GRID1: variants seen among roughly 807,000 people sequenced by gnomAD.
The protein encoded by GRID1 is glutamate receptor ionotropic, delta-1.
GRID1 carries 28 observed loss-of-function variants against 98.0 expected under a neutral mutation model. The ratio of observed to expected loss-of-function variants is 0.29; its 90% CI spans 0.21 to 0.39. The LOEUF is 0.39. Among genes scored for constraint, GRID1 ranks in the 10% least tolerant of loss-of-function variants. The probability of loss-of-function intolerance (pLI) is 1.00; values close to 1 mark genes in which losing one functional copy is unlikely to be tolerated. For missense variants in GRID1, 1,111 were observed against 1,340.5 expected, an observed-to-expected ratio of 0.83 and a Z score of 2.67; for synonymous variants, 553 against 538.5, an observed-to-expected ratio of 1.03 and a Z score of -0.37.
intron 2 of GRID1, among the ~76,000 whole-genome samples, chr10:86,321,120 G>GA (rs1287125996): frequency 4.9e-4 from 34 of 68,738 alleles, no homozygotes; most frequent in South Asian, 1.2e-3. Context: ...AAGAAAAAAA[G>GA]CAAAAAAAAA....
intron 8 of GRID1, among the ~76,000 whole-genome samples, chr10:85,823,438 T>C (rs1842791365): frequency 6.6e-6 from 1 of 151,500 alleles, no homozygotes; most frequent in Non-Finnish European, 1.5e-5. Context: ...TAAACAAAAA[T>C]AAACAGAAAA....
Position 85,675,995 on chromosome 10 carries a change from T to C in GRID1, c.1998-28598A>G, listed in dbSNP as rs542675273. Among the ~76,000 whole-genome samples, 7 of 152,290 alleles carry C rather than the reference T, an allele frequency of 4.6e-5. No homozygotes were observed. In the East Asian group the frequency reaches 1.4e-3, roughly 29 times the overall value. On this transcript the variant is annotated intron_variant, in intron 12 of 15. Transcript: ENST00000327946. ...AAGGCCTTTGGCAAATTCTGCCTCCTGTCCTGCCTGTGTGACCAAGTGGTT... is the reference window on the plus strand; with the variant it reads ...AAGGCCTTTGGCAAATTCTGCCTCCCGTCCTGCCTGTGTGACCAAGTGGTT...
chr10:85,771,959 G>A (rs1842273597), intron 8 of GRID1, among the ~76,000 whole-genome samples: 1 of 152,138 alleles, frequency 6.6e-6, no homozygotes, highest in Admixed American at 6.5e-5. Context: ...ACTTAGCTCT[G>A]CACCAAGTGG....
At chr10:85,775,192 T>C (rs1347535381) in intron 8 of GRID1, among the ~76,000 whole-genome samples, 14 of 151,994 alleles carry the variant, frequency 9.2e-5, no homozygotes, top group Non-Finnish European at 1.0e-4. Context: ...TGGATGAAAG[T>C]GGAAATCATC....
At position 86,055,178 on chromosome 10, in the gene GRID1, G is replaced by A. The variant is rs543822074; in HGVS notation, c.726+83641C>T. On this transcript the variant is annotated intron_variant, in intron 4 of 15. Transcript: ENST00000327946. ...CTACCCAGCTGACGTGTAGTATCAC[G>A]AGAAATAAAACGTGGTTGTTGCCTA... 6.6e-5 allele frequency among the ~76,000 whole-genome samples: 10 copies of A among 152,194 alleles called. No individual in the cohort carries two copies. In the South Asian group the frequency reaches 1.0e-3, roughly 16 times the overall value.
At chr10:86,357,285 G>A (rs185442893) in intron 2 of GRID1, among the ~76,000 whole-genome samples, 2 of 152,340 alleles carry the variant, frequency 1.3e-5, no homozygotes, top group Admixed American at 6.5e-5. Flanking sequence ...GCCTTCCTGG[G>A]CCCAATGCCT....
chr10:86,107,858 A>C (rs1314017290), intron 4 of GRID1, among the ~76,000 whole-genome samples: 1 of 151,402 alleles, frequency 6.6e-6, no homozygotes, highest in Non-Finnish European at 1.5e-5. Context: ...AAACAACCCA[A>C]CTCCAGGGGA....
At chr10:85,895,014 AAAATAT>A (rs1191809224) in intron 5 of GRID1, among the ~76,000 whole-genome samples, 10 of 108,662 alleles carry the variant, frequency 9.2e-5, no homozygotes, top group African/African-American at 1.7e-4. Flanking sequence ...AAAAAAAAAA[AAAATAT>A]ATATATATAT....
Position 85,909,401 on chromosome 10 carries a change from G to GC in GRID1, c.780+6784dup. Among the ~76,000 whole-genome samples, 3 of 152,254 alleles carry GC rather than the reference G, an allele frequency of 2.0e-5. No homozygotes were observed. The Middle Eastern group carries it at 0.01, about 518-fold the overall frequency. On this transcript the variant is annotated intron_variant, in intron 5 of 15. Coordinates refer to ENST00000327946, the MANE Select transcript of GRID1 (RefSeq NM_017551.3). ...TTGGCAATTCCACTTGTAGGTATGAGCCCCAGAAAAAGGAAAGTATATGTC... is the reference window on the plus strand; with the variant it reads ...TTGGCAATTCCACTTGTAGGTATGAGCCCCCAGAAAAAGGAAAGTATATGTC...
chr10:85,829,559 C>CT (rs1842849696), intron 8 of GRID1, among the ~76,000 whole-genome samples: 1 of 152,140 alleles, frequency 6.6e-6, no homozygotes, highest in African/African-American at 2.4e-5. Flanking sequence ...ACCCCATAGT[C>CT]TCTCCCAAAT....
chr10:86,160,725 G>A (rs1175445317), intron 3 of GRID1, among the ~76,000 whole-genome samples: 2 of 152,228 alleles, frequency 1.3e-5, no homozygotes, highest in African/African-American at 4.8e-5. Flanking sequence ...GTCCTTGCAA[G>A]AGTCCTTCCA....
At chr10:86,148,399 T>A (rs1485815368) in intron 3 of GRID1, among the ~76,000 whole-genome samples, 1 of 152,146 alleles carries the variant, frequency 6.6e-6, no homozygotes, top group African/African-American at 2.4e-5. Context: ...ATCTCACTTA[T>A]AAGTGGAATG....
chr10:85,765,040 G>T (rs1275868930), intron 8 of GRID1, among the ~76,000 whole-genome samples: 1 of 152,152 alleles, frequency 6.6e-6, no homozygotes, highest in Non-Finnish European at 1.5e-5. Flanking sequence ...TAGGATGGTT[G>T]CAGGTGCTGA....
At chr10:85,876,240 T>C (rs1015308062) in intron 5 of GRID1, among the ~76,000 whole-genome samples, 3 of 152,096 alleles carry the variant, frequency 2.0e-5, no homozygotes, top group African/African-American at 7.2e-5. Context: ...GGCTGAAATC[T>C]CGGTGGTGGC....
At chr10:86,030,728 T>G (rs933778045) in intron 4 of GRID1, among the ~76,000 whole-genome samples, 3 of 152,092 alleles carry the variant, frequency 2.0e-5, no homozygotes, top group African/African-American at 7.2e-5. Flanking sequence ...AGGCAGATAG[T>G]AAGGGTATGG....
chr10:85,768,246 TCACACAA>T (rs149280562), intron 8 of GRID1, among the ~76,000 whole-genome samples: 3,487 of 152,246 alleles, frequency 0.023, 126 homozygotes, highest in African/African-American at 0.08. Context: ...AATCCATTTT[TCACACAA>T]CACACAATAC....
chr10:85,728,093 G>T, intron 9 of GRID1, 41 bp from the exon 10 acceptor site: 10 of 1,278,290 alleles, frequency 7.8e-6, no homozygotes, highest in Non-Finnish European at 1.0e-5. Context: ...TAAATAACAG[G>T]TTCATCAACA....
At chr10:85,605,460 G>T (rs965458247) in intron 15 of GRID1, 1 of 152,166 alleles carries the variant, frequency 6.6e-6, no homozygotes, top group Non-Finnish European at 1.5e-5. Context: ...TCATTTCCAC[G>T]GAAGGGAAAC....
At chr10:86,358,630 C>T (rs1589461990) in intron 2 of GRID1, among the ~76,000 whole-genome samples, 1 of 151,596 alleles carries the variant, frequency 6.6e-6, no homozygotes, top group African/African-American at 2.4e-5. Flanking sequence ...TGGTGGCGGG[C>T]GCCTGTAGTC....
Sources: gnomAD v4.1 joint callset for allele counts (sites outside exome capture counted in the v4.1 genomes callset) on GRCh38, gnomAD v4.1.1 for gene constraint, MANE v1.5 for transcripts, NCBI Gene and HGNC (gene_info 2026-07-23, HGNC 2026-07-21) for gene names.